EFCAB3: variants seen among roughly 807,000 people sequenced by gnomAD.
The protein encoded by EFCAB3 is EF-hand calcium binding domain 3, also known as EF-hand calcium-binding domain-containing protein 3.
EFCAB3 carries 36 observed loss-of-function variants against 42.2 expected under a neutral mutation model. That is an observed-to-expected ratio of 0.85 (90% confidence interval 0.65 to 1.13). The LOEUF (loss-of-function observed/expected upper bound fraction) is 1.13, where lower values mean the gene tolerates loss of function less well. Ranked by LOEUF, EFCAB3 falls within the 50% of genes most tolerant of loss-of-function variation. The pLI is 0.00. For missense variants in EFCAB3, 418 were observed against 505.1 expected, an observed-to-expected ratio of 0.83 and a Z score of 1.65; for synonymous variants, 170 against 172.8, an observed-to-expected ratio of 0.98 and a Z score of 0.13.
intron 6 of EFCAB3, 21 bp downstream of exon 6, chr17:62,395,209 C>T (rs1477573511): frequency 3.1e-6 from 5 of 1,606,952 alleles, no homozygotes; most frequent in Non-Finnish European, 2.5e-6. Flanking sequence ...AGGAAAGGAG[C>T]AAAAACAGCC....
At position 62,406,513 on chromosome 17, in the gene EFCAB3, A is replaced by G. The variant is rs778024492; in HGVS notation, c.522A>G (p.Pro174=). 8 of 1,609,158 alleles carry G rather than the reference A, an allele frequency of 5.0e-6. No individual in the cohort carries two copies. Among genetic ancestry groups the G allele is most frequent in the Admixed American group, 1.7e-5 (1 of 59,548 alleles). ...AAAGAAAATTCCAGCATACTGGCCC[A>G]GGAATGTTGTGGAGTCCCTACACTA... ...YFQRKFQHTG[P]GMLWSPYTMG... The change falls in exon 7 of 10, where the codon CCA becomes CCG. Residue 174 remains proline, a synonymous_variant. Coordinates refer to ENST00000305286, the MANE Select transcript of EFCAB3 (RefSeq NM_173503.4).
intron 2 of EFCAB3, among the ~76,000 whole-genome samples, chr17:62,374,709 A>G (rs8075814): frequency 0.013 from 1,971 of 152,234 alleles, 39 homozygotes; most frequent in African/African-American, 0.045. Context: ...TACAACCTCA[A>G]TCTTGAGTTC....
chr17:62,404,710 C>T (rs1333562912), intron 6 of EFCAB3, among the ~76,000 whole-genome samples: 1 of 152,096 alleles, frequency 6.6e-6, no homozygotes, highest in Non-Finnish European at 1.5e-5. Flanking sequence ...GCAGGAGAAT[C>T]GTTTGAACCC....
chr17:62,371,401 A>G (rs1331606590), intron 1 of EFCAB3, among the ~76,000 whole-genome samples: 1 of 151,858 alleles, frequency 6.6e-6, no homozygotes, highest in Non-Finnish European at 1.5e-5. Flanking sequence ...CTAAAAATAA[A>G]AAAAAAATTA....
chr17:62,371,511 T>C (rs1351468413), intron 1 of EFCAB3, among the ~76,000 whole-genome samples: 3 of 152,126 alleles, frequency 2.0e-5, no homozygotes, highest in African/African-American at 7.2e-5. Flanking sequence ...TGAGCCAAGA[T>C]TGCGCCACTG....
intron 6 of EFCAB3, among the ~76,000 whole-genome samples, chr17:62,399,628 C>T (rs1410009250): frequency 3.3e-5 from 5 of 152,130 alleles, no homozygotes; most frequent in Non-Finnish European, 7.3e-5. Context: ...TTTGCACTTG[C>T]TTTTCCCTCT....
At chr17:62,401,167 C>A (rs902627046) in intron 6 of EFCAB3, among the ~76,000 whole-genome samples, 14 of 152,028 alleles carry the variant, frequency 9.2e-5, no homozygotes, top group Non-Finnish European at 1.3e-4. Flanking sequence ...TGTTTAAGTT[C>A]TTTGTAGATT....
At chr17:62,402,987 G>C (rs1176180645) in intron 6 of EFCAB3, among the ~76,000 whole-genome samples, 1 of 152,162 alleles carries the variant, frequency 6.6e-6, no homozygotes, top group African/African-American at 2.4e-5. Context: ...GGTCTAGTCA[G>C]GGATTCAACT....
intron 2 of EFCAB3, among the ~76,000 whole-genome samples, chr17:62,386,633 G>T (rs1359933143): frequency 6.6e-6 from 1 of 152,204 alleles, no homozygotes; most frequent in African/African-American, 2.4e-5. Context: ...CAGGAATAGT[G>T]TAAAGCATTA....
chr17:62,403,842 G>C (rs975963797), intron 6 of EFCAB3, among the ~76,000 whole-genome samples: 4 of 152,110 alleles, frequency 2.6e-5, no homozygotes, highest in African/African-American at 9.7e-5. Context: ...TAAAGACAGG[G>C]TTTCACCACA....
At chr17:62,411,817 G>A (rs368793792) in intron 8 of EFCAB3, among the ~76,000 whole-genome samples, 2 of 140,140 alleles carry the variant, frequency 1.4e-5, no homozygotes, top group African/African-American at 5.3e-5. Context: ...AGGGAGGGAG[G>A]GAGGGAGGGA....
chr17:62,374,750 A>G (rs1216120734), intron 2 of EFCAB3, among the ~76,000 whole-genome samples: 1 of 152,194 alleles, frequency 6.6e-6, no homozygotes, highest in Non-Finnish European at 1.5e-5. Context: ...TATTCTCTGC[A>G]TCTGCATTCC....
At chr17:62,371,399 A>G (rs8074351) in intron 1 of EFCAB3, among the ~76,000 whole-genome samples, 1 of 99,228 alleles carries the variant, frequency 1.0e-5, no homozygotes, top group Non-Finnish European at 2.3e-5. Context: ...TACTAAAAAT[A>G]AAAAAAAAAT....
chr17:62,401,938 ATTTG>A (rs1343374840), intron 6 of EFCAB3, among the ~76,000 whole-genome samples: 1 of 152,108 alleles, frequency 6.6e-6, no homozygotes, highest in Non-Finnish European at 1.5e-5. Context: ...ATGTTCTTCC[ATTTG>A]TTTGTGTCTT....
At chr17:62,412,821 G>C (rs1310675569) in intron 8 of EFCAB3, among the ~76,000 whole-genome samples, 1 of 151,004 alleles carries the variant, frequency 6.6e-6, no homozygotes, top group Non-Finnish European at 1.5e-5. Flanking sequence ...ACAGACCCAA[G>C]GAAGAAAATA....
At chr17:62,392,568 A>G (rs1381668889) in intron 4 of EFCAB3, among the ~76,000 whole-genome samples, 3 of 152,112 alleles carry the variant, frequency 2.0e-5, no homozygotes, top group East Asian at 3.8e-4. Context: ...TTCTTTTTCC[A>G]TCAAGTCCCA....
At position 62,387,415 on chromosome 17, in the gene EFCAB3, A is replaced by G. The variant is rs751647835; in HGVS notation, c.150A>G (p.Ala50=). The change falls in exon 3 of 10, where the codon GCA becomes GCG. Residue 50 remains alanine (A), a splice_region_variant and synonymous_variant. Transcript: ENST00000305286. The stretch of plus-strand genomic sequence containing the variant: ...AGAAGCTAAGTGCTTCACAAATGGC[A>G]GGTAATGAGAATCATCCTCAAAATT... ...KEKKLSASQM[A]AFQDAYNFFY... 6.2e-7 allele frequency: 1 copy of G among 1,610,228 alleles called. No homozygotes were observed. The highest frequency in any genetic ancestry group is 1.7e-5 in the Admixed American group (1 of 59,918).
intron 6 of EFCAB3, among the ~76,000 whole-genome samples, chr17:62,396,791 C>T (rs1356099414): frequency 6.6e-6 from 1 of 151,662 alleles, no homozygotes; most frequent in African/African-American, 2.4e-5. Context: ...ATTCAAGAAG[C>T]TCATTTGAGC....
At chr17:62,385,473 T>A (rs1026867420) in intron 2 of EFCAB3, among the ~76,000 whole-genome samples, 2 of 151,810 alleles carry the variant, frequency 1.3e-5, no homozygotes, top group African/African-American at 4.8e-5. Flanking sequence ...GAAATTCAAG[T>A]AGATAATAAA....
Sources: gnomAD v4.1 joint callset for allele counts (sites outside exome capture counted in the v4.1 genomes callset) on GRCh38, gnomAD v4.1.1 for gene constraint, MANE v1.5 for transcripts, NCBI Gene and HGNC (gene_info 2026-07-23, HGNC 2026-07-21) for gene names.